Variants in STK33 observed in about 807,000 individuals in gnomAD.
STK33 encodes serine/threonine-protein kinase 33.
In STK33, 52 loss-of-function variants were observed where a neutral mutation model predicts 58.0. That is an observed-to-expected ratio of 0.90 (90% confidence interval 0.72 to 1.13). The LOEUF (loss-of-function observed/expected upper bound fraction) is 1.13. STK33 is among the 50% of genes most tolerant of loss of function. The pLI, the probability that STK33 is intolerant of heterozygous loss-of-function variation, is 0.00. For synonymous variants in STK33, 215 were observed against 200.1 expected, an observed-to-expected ratio of 1.07 and a Z score of -0.63; for missense variants, 630 against 604.2, an observed-to-expected ratio of 1.04 and a Z score of -0.45.
At chr11:8,479,932 T>C (rs1565145927) in intron 2 of STK33, among the ~76,000 whole-genome samples, 1 of 152,136 alleles carries the variant, frequency 6.6e-6, no homozygotes, top group Non-Finnish European at 1.5e-5. Flanking sequence ...AGGCACTCAA[T>C]GAAAATTTTT....
the STK33 span, among the ~76,000 whole-genome samples, chr11:8,367,286 A>G: frequency 6.6e-6 from 1 of 152,194 alleles, no homozygotes; most frequent in African/African-American, 2.4e-5. Context: ...AAGTATTTGT[A>G]CCTCCTGTAT....
Position 8,423,367 on chromosome 11 carries a change from T to C in STK33, c.1147-9675A>G, listed in dbSNP as rs750218063. The stretch of plus-strand genomic sequence containing the variant: ...TTTCTGTATTTCTCCTTCTCTAATA[T>C]AAATATTAAACTTCTACTGAAGTAC... On this transcript the variant is annotated intron_variant, in intron 14 of 15. Transcript: ENST00000687296. Among the ~76,000 whole-genome samples, 6 of 152,164 alleles carry C rather than the reference T, an allele frequency of 3.9e-5. No individual in the cohort carries two copies. In the South Asian group the frequency reaches 1.0e-3, roughly 26 times the overall value.
chr11:8,489,561 G>C (rs1950449775), intron 1 of STK33, among the ~76,000 whole-genome samples: 4 of 152,188 alleles, frequency 2.6e-5, no homozygotes, highest in Admixed American at 2.0e-4. Flanking sequence ...GAGGAAACCA[G>C]GCCAAACTCA....
At chr11:8,389,781 C>G (rs1486136268), downstream of STK33, among the ~76,000 whole-genome samples, 1 of 151,978 alleles carries the variant, frequency 6.6e-6, no homozygotes, top group East Asian at 1.9e-4. Flanking sequence ...TTGGCTGGCC[C>G]CCACCCAACC....
the STK33 span, among the ~76,000 whole-genome samples, chr11:8,341,157 A>T: frequency 8.5e-5 from 13 of 152,324 alleles, no homozygotes; most frequent in South Asian, 1.0e-3. Context: ...GCACCCAGCC[A>T]CGAGGGGCCT....
chr11:8,347,378 T>C, the STK33 span, among the ~76,000 whole-genome samples: 10 of 152,314 alleles, frequency 6.6e-5, no homozygotes, highest in African/African-American at 2.4e-4. Flanking sequence ...ATCAGCCACA[T>C]ATAAACTAGG....
chr11:8,480,787 A>G (rs1949734465), intron 1 of STK33, among the ~76,000 whole-genome samples, 173 bp from the exon 2 acceptor site: 1 of 152,114 alleles, frequency 6.6e-6, no homozygotes, highest in African/African-American at 2.4e-5. Flanking sequence ...AAACCACTCT[A>G]AGGATCCAAA....
intron 11 of STK33, among the ~76,000 whole-genome samples, chr11:8,450,266 C>T (rs904464316): frequency 8.6e-5 from 13 of 152,006 alleles, no homozygotes; most frequent in Admixed American, 2.0e-4. Flanking sequence ...GGGACATGGA[C>T]GAAGCTGAAA....
chr11:8,574,910 T>G (rs978565485), intron 1 of STK33, among the ~76,000 whole-genome samples: 24 of 149,528 alleles, frequency 1.6e-4, no homozygotes, highest in Non-Finnish European at 1.5e-5. Context: ...CCAAGTCTGG[T>G]GGCATGCACC....
chr11:8,571,451 T>C (rs950159338), intron 1 of STK33, among the ~76,000 whole-genome samples: 7 of 152,054 alleles, frequency 4.6e-5, no homozygotes, highest in Admixed American at 4.6e-4. Flanking sequence ...GAGTTTCTGT[T>C]TGGGGTGATA....
chr11:8,542,843 G>A (rs1282774839), intron 1 of STK33, among the ~76,000 whole-genome samples: 5 of 152,102 alleles, frequency 3.3e-5, no homozygotes, highest in African/African-American at 4.8e-5. Flanking sequence ...CTGAGTAGCT[G>A]AGACTACAGG....
chr11:8,459,671 G>A (rs1435413693), intron 8 of STK33, among the ~76,000 whole-genome samples: 4 of 152,092 alleles, frequency 2.6e-5, no homozygotes, highest in African/African-American at 9.7e-5. Context: ...GAGGGAGAGG[G>A]AATCCAAGCA....
At chr11:8,355,546 C>T in the STK33 span, among the ~76,000 whole-genome samples, 10 of 152,268 alleles carry the variant, frequency 6.6e-5, no homozygotes, top group Non-Finnish European at 1.5e-4. Context: ...TCTACAAAAA[C>T]GGGGTGTTCC....
At chr11:8,558,380 C>T (rs1956905936) in intron 1 of STK33, among the ~76,000 whole-genome samples, 1 of 151,554 alleles carries the variant, frequency 6.6e-6, no homozygotes, top group South Asian at 2.1e-4. Flanking sequence ...ACACAAAACT[C>T]CAAATCTTTG....
intron 1 of STK33, among the ~76,000 whole-genome samples, chr11:8,482,673 T>A (rs554739396): frequency 1.7e-4 from 26 of 152,140 alleles, no homozygotes; most frequent in Admixed American, 9.8e-4. Flanking sequence ...AGTTCCCCTG[T>A]ATGTAAAGCA....
chr11:8,444,457 T>C (rs907766533), intron 11 of STK33, among the ~76,000 whole-genome samples: 7 of 152,186 alleles, frequency 4.6e-5, no homozygotes, highest in Admixed American at 2.6e-4. Context: ...TATGTTTTGT[T>C]CACTGTTGTA....
At chr11:8,535,204 T>C (rs537209313) in intron 1 of STK33, among the ~76,000 whole-genome samples, 6 of 152,326 alleles carry the variant, frequency 3.9e-5, no homozygotes, top group South Asian at 2.1e-4. Flanking sequence ...ATGGTCCATA[T>C]ACTGAGTTAT....
intron 7 of STK33, among the ~76,000 whole-genome samples, chr11:8,463,879 G>C (rs1038382974): frequency 1.3e-5 from 2 of 152,136 alleles, no homozygotes; most frequent in Non-Finnish European, 2.9e-5. Flanking sequence ...GTAGCACTTA[G>C]GATGCTACCC....
the STK33 span, among the ~76,000 whole-genome samples, chr11:8,356,641 C>G: frequency 6.6e-6 from 1 of 152,250 alleles, no homozygotes; most frequent in African/African-American, 2.4e-5. Context: ...CAGGGACATG[C>G]CTGGGAGGCT....
Sources: allele counts gnomAD v4.1 joint callset (sites outside exome capture counted in the v4.1 genomes callset), GRCh38; gene constraint gnomAD v4.1.1; transcripts MANE v1.5; gene names NCBI Gene and HGNC (gene_info 2026-07-23, HGNC 2026-07-21).